Variants in SENP5 observed in about 807,000 individuals in gnomAD.
SENP5 encodes sentrin-specific protease 5.
In SENP5, 21 loss-of-function variants were observed where a neutral mutation model predicts 74.2. The observed-to-expected ratio is 0.28, with a 90% CI of 0.20 to 0.41. SENP5 has a LOEUF of 0.41. SENP5 is among the 10% of genes least tolerant of loss of function. The probability of loss-of-function intolerance (pLI) is 1.00; values close to 1 mark genes in which losing one functional copy is unlikely to be tolerated. For synonymous variants in SENP5, 311 were observed against 312.7 expected (o/e 0.99, Z 0.06); for missense variants, 717 against 889.1 (o/e 0.81, Z 2.46).
intron 6 of SENP5, among the ~76,000 whole-genome samples, chr3:196,920,079 A>C (rs1042585452): frequency 2.6e-5 from 4 of 152,184 alleles, no homozygotes; most frequent in African/African-American, 9.7e-5. Flanking sequence ...ATAAACTTTA[A>C]AATTAGTTTG....
chr3:196,922,427 C>T (rs768064068), intron 6 of SENP5, among the ~76,000 whole-genome samples: 10 of 152,062 alleles, frequency 6.6e-5, no homozygotes, highest in Non-Finnish European at 1.3e-4. Flanking sequence ...GCTTCGGAGC[C>T]CATGATCTTA....
At chr3:196,893,909 CAAAA>C (rs35131152) in intron 2 of SENP5, among the ~76,000 whole-genome samples, 1 of 119,884 alleles carries the variant, frequency 8.3e-6, no homozygotes, top group Non-Finnish European at 1.7e-5. Context: ...GACTCTGTCT[CAAAA>C]AAAAAAAAAA....
Position 196,888,845 on chromosome 3 carries a change from G to A in SENP5, c.1513+2151G>A, listed in dbSNP as rs1286699139. Reference sequence around the variant, plus strand: ...ATAATAAATTCTTCTGGCTGGGCACGGTGGCTCATGCCTGTTATCCCAGCA... The same window carrying A: ...ATAATAAATTCTTCTGGCTGGGCACAGTGGCTCATGCCTGTTATCCCAGCA... On this transcript the variant is annotated intron_variant, in intron 2 of 9. Transcript: ENST00000323460. Among the ~76,000 whole-genome samples, 8 of 151,644 alleles carry A rather than the reference G, an allele frequency of 5.3e-5. No homozygotes were observed. In the East Asian group the frequency reaches 1.2e-3, roughly 22 times the overall value.
chr3:196,869,602 A>C (rs1713114927), intron 1 of SENP5, among the ~76,000 whole-genome samples: 1 of 151,616 alleles, frequency 6.6e-6, no homozygotes, highest in Non-Finnish European at 1.5e-5. Context: ...CTCTACTAAA[A>C]ATACAAAATT....
intron 1 of SENP5, among the ~76,000 whole-genome samples, chr3:196,884,197 C>G (rs952831493): frequency 1.1e-4 from 17 of 152,228 alleles, no homozygotes; most frequent in Admixed American, 1.0e-3. Context: ...GTCAGCATCT[C>G]AAGAGGGAAG....
Position 196,903,437 on chromosome 3 carries a change from G to A in SENP5, c.1807-96G>A, listed in dbSNP as rs1714780786. On this transcript the variant is annotated intron_variant, in intron 5 of 9. Coordinates refer to ENST00000323460, the MANE Select transcript of SENP5 (RefSeq NM_152699.5). ...AGAAATTTTTCCTTCCTTTTTGTCT[G>A]CTTTACATTCAAACATTTTAAAATT... 6 of 711,040 alleles carry A rather than the reference G, an allele frequency of 8.4e-6. No homozygotes were observed. In the South Asian group the frequency reaches 1.4e-4, roughly 16 times the overall value. 44.0% of individuals were successfully genotyped at this position (711,040 alleles called of 1,614,324 possible).
intron 6 of SENP5, among the ~76,000 whole-genome samples, chr3:196,915,641 G>A (rs1715336411): frequency 6.6e-6 from 1 of 152,186 alleles, no homozygotes. Flanking sequence ...CCAGTCCAGT[G>A]CCAGCTGTGG....
At chr3:196,897,116 G>T (rs1320919774) in intron 2 of SENP5, among the ~76,000 whole-genome samples, 2 of 152,180 alleles carry the variant, frequency 1.3e-5, no homozygotes, top group Admixed American at 6.6e-5. Context: ...CATTGTGGGG[G>T]ACACTGCCTT....
chr3:196,894,162 T>G (rs1714340332), intron 2 of SENP5, among the ~76,000 whole-genome samples: 1 of 142,096 alleles, frequency 7.0e-6, no homozygotes, highest in Admixed American at 7.3e-5. Context: ...TTGATCTTGT[T>G]GCCCAGGCTG....
At chr3:196,902,428 G>A (rs893994528) in intron 5 of SENP5, among the ~76,000 whole-genome samples, 4 of 152,164 alleles carry the variant, frequency 2.6e-5, no homozygotes, top group Admixed American at 6.5e-5. Flanking sequence ...CACTATGTCT[G>A]GCAGCTCTTT....
intron 1 of SENP5, among the ~76,000 whole-genome samples, chr3:196,875,046 A>AT (rs1310544657): frequency 6.6e-6 from 1 of 152,188 alleles, no homozygotes; most frequent in East Asian, 1.9e-4. Flanking sequence ...CTTGAACTGT[A>AT]TATCTAGCTG....
At chr3:196,921,187 CT>C (rs1715607743) in intron 6 of SENP5, among the ~76,000 whole-genome samples, 1 of 152,162 alleles carries the variant, frequency 6.6e-6, no homozygotes, top group Non-Finnish European at 1.5e-5. Flanking sequence ...ACAGAATTCA[CT>C]TATGTTTCAT....
At chr3:196,911,440 C>G (rs1458774711) in intron 6 of SENP5, among the ~76,000 whole-genome samples, 2 of 152,014 alleles carry the variant, frequency 1.3e-5, no homozygotes, top group African/African-American at 4.8e-5. Flanking sequence ...TGTCTGTAGT[C>G]TCAGCTACTC....
At chr3:196,895,613 C>T (rs1714411474) in intron 2 of SENP5, among the ~76,000 whole-genome samples, 1 of 151,984 alleles carries the variant, frequency 6.6e-6, no homozygotes, top group Non-Finnish European at 1.5e-5. Flanking sequence ...TCTTTGCCTC[C>T]CAGGCTCAAC....
rs112729660 is a variant in SENP5, at chr3:196,905,391, G to T, written c.1884+1781G>T. On this transcript the variant is annotated intron_variant, in intron 6 of 9. Transcript: ENST00000323460. ...CCTGTCTACCTGGAGACAGTGCCAC[G>T]TCCCATAGTTTGAGGGCTCATGCCT... Among the ~76,000 whole-genome samples, 8 of 152,206 alleles carry T rather than the reference G, an allele frequency of 5.3e-5. 1 individual carries two copies. Among genetic ancestry groups the T allele is most frequent in the African/African-American group, 1.9e-4 (8 of 41,548 alleles).
rs923973797 is a variant in SENP5, at chr3:196,934,404, T to G, written c.*3481T>G. ...AAGACAGTGTATTAATAGTGTGAAT[T>G]AGATACACTGATGACCTGCTCTGCC... On this transcript the variant is annotated 3_prime_UTR_variant, in exon 10 of 10. Coordinates refer to ENST00000323460, the MANE Select transcript of SENP5 (RefSeq NM_152699.5). 1 of 152,224 alleles carries G rather than the reference T, an allele frequency of 6.6e-6. No homozygotes were observed. The highest frequency in any genetic ancestry group is 2.4e-5 in the African/African-American group (1 of 41,448). 9.4% of individuals were successfully genotyped at this position (152,224 alleles called of 1,614,324 possible). A position where few individuals can be genotyped will look rare whatever the true frequency, so the allele number is the denominator to read the frequency against.
intron 1 of SENP5, among the ~76,000 whole-genome samples, chr3:196,878,740 C>T (rs898861055): frequency 1.3e-5 from 2 of 151,942 alleles, no homozygotes; most frequent in African/African-American, 2.4e-5. Context: ...TATAGGTGCC[C>T]GCCACCATGT....
At chr3:196,909,654 C>T (rs1041186364) in intron 6 of SENP5, among the ~76,000 whole-genome samples, 6 of 152,128 alleles carry the variant, frequency 3.9e-5, no homozygotes, top group Admixed American at 6.5e-5. Context: ...GAACCAGTGA[C>T]GAAAACCACA....
intron 7 of SENP5, 109 bp downstream of exon 7, chr3:196,923,660 C>T (rs574567252): frequency 1.5e-6 from 1 of 688,690 alleles, no homozygotes; most frequent in South Asian, 2.1e-5. Flanking sequence ...CAGTTTATGT[C>T]ATGAAAATCC....
Sources: allele counts gnomAD v4.1 joint callset (sites outside exome capture counted in the v4.1 genomes callset), GRCh38; gene constraint gnomAD v4.1.1; transcripts MANE v1.5; gene names NCBI Gene and HGNC (gene_info 2026-07-23, HGNC 2026-07-21).